The following LAMC2 variants were observed in gnomAD, a reference collection of about 807,000 sequenced individuals.
LAMC2 encodes laminin subunit gamma-2.
In LAMC2, 97 loss-of-function variants were observed where a neutral mutation model predicts 140.2. That is an observed-to-expected ratio of 0.69 (90% confidence interval 0.59 to 0.82). LAMC2 has a LOEUF of 0.82. LAMC2 is among the 40% of genes least tolerant of loss of function. The probability of loss-of-function intolerance (pLI) is 0.00; values close to 1 mark genes in which losing one functional copy is unlikely to be tolerated. For synonymous variants in LAMC2, 513 were observed against 540.2 expected (o/e 0.95, Z 0.70); for missense variants, 1,402 against 1,476.1 (o/e 0.95, Z 0.82).
chr1:183,220,627 C>T (rs1170979235), intron 4 of LAMC2, among the ~76,000 whole-genome samples, 198 bp from the exon 5 acceptor site: 3 of 151,424 alleles, frequency 2.0e-5, no homozygotes, highest in South Asian at 2.1e-4. Context: ...TTTCTTATGC[C>T]GTCTAATTTA....
At chr1:183,237,549 G>A in intron 18 of LAMC2, 45 bp downstream of exon 18, 1 of 1,492,676 alleles carries the variant, frequency 6.7e-7, no homozygotes, top group African/African-American at 1.4e-5. Context: ...TGTATTGAAT[G>A]CCCACCATAT....
rs767455454 is a variant in LAMC2, at chr1:183,235,598, T to C, written c.2324T>C (p.Met775Thr). The C allele has an allele frequency of 1.9e-6, 3 of 1,614,228 alleles. No individual in the cohort carries two copies. The highest frequency in any genetic ancestry group is 2.7e-5 in the African/African-American group (2 of 75,056). Residue 775 changes from methionine (M) to threonine (T), a missense_variant, in exon 16 of 23, where the codon ATG (methionine) becomes ACG (threonine). Met to Thr is a moderately conservative substitution (Grantham distance 81). Coordinates refer to ENST00000264144, the MANE Select transcript of LAMC2 (RefSeq NM_005562.3). ...AESHVESASN[M>T]EQLTRETEDY... ...AGCCACGTTGAGTCAGCCAGTAACA[T>C]GGAGCAACTGACAAGGGAAACTGAG...
At chr1:183,216,920 A>G (rs536358389) in intron 3 of LAMC2, among the ~76,000 whole-genome samples, 4 of 152,214 alleles carry the variant, frequency 2.6e-5, no homozygotes, top group African/African-American at 9.6e-5. Flanking sequence ...TGGAATGGGG[A>G]CTGTTCCTAT....
At chr1:183,195,861 A>G (rs1198696829) in intron 1 of LAMC2, among the ~76,000 whole-genome samples, 5 of 152,182 alleles carry the variant, frequency 3.3e-5, no homozygotes, top group Admixed American at 6.5e-5. Flanking sequence ...GCCGACAAAC[A>G]TATTAAAACT....
Position 183,232,278 on chromosome 1 carries a change from A to C in LAMC2, c.1949A>C (p.Glu650Ala). Residue 650 changes from glutamate to alanine, a missense_variant, in exon 13 of 23, where the codon GAA becomes GCA. Physicochemically the swap from Glu to Ala is moderately radical, Grantham distance 107 (BLOSUM62 -1). Coordinates refer to ENST00000264144, the MANE Select transcript of LAMC2 (RefSeq NM_005562.3). Reference protein sequence around the residue: ...GDGVVPDTELEGRMQQAEQAL... With the variant: ...GDGVVPDTELAGRMQQAEQAL... ...GGAGTAGTACCTGATACAGAGCTGG[A>C]AGGCAGGATGCAGCAGGCTGAGCAG... The C allele has an allele frequency of 6.2e-7, 1 of 1,614,108 alleles. No individual in the cohort carries two copies. The highest frequency in any genetic ancestry group is 8.5e-7 in the Non-Finnish European group (1 of 1,180,046).
chr1:183,245,704 G>A (rs554796736), downstream of LAMC2, among the ~76,000 whole-genome samples: 6 of 152,352 alleles, frequency 3.9e-5, no homozygotes, highest in Non-Finnish European at 7.3e-5. Flanking sequence ...CCACTTCACA[G>A]TGACAATTCT....
chr1:183,204,883 C>T (rs950722365), intron 1 of LAMC2, among the ~76,000 whole-genome samples: 2 of 151,884 alleles, frequency 1.3e-5, no homozygotes, highest in Non-Finnish European at 2.9e-5. Context: ...AGTGCAATGG[C>T]ACAATCTCAG....
intron 19 of LAMC2, among the ~76,000 whole-genome samples, chr1:183,238,720 A>G (rs1660040151): frequency 6.6e-6 from 1 of 152,202 alleles, no homozygotes; most frequent in Non-Finnish European, 1.5e-5. Context: ...CTTCCTCTTT[A>G]AAGAGACGAG....
chr1:183,190,142 A>G (rs1299255643), intron 1 of LAMC2, among the ~76,000 whole-genome samples: 2 of 152,192 alleles, frequency 1.3e-5, no homozygotes, highest in African/African-American at 4.8e-5. Flanking sequence ...AAGCTACCTC[A>G]CCTGTTACTT....
downstream of LAMC2, chr1:183,248,820 T>A (rs1660294682): frequency 6.6e-6 from 1 of 152,128 alleles, no homozygotes; most frequent in African/African-American, 2.4e-5. Flanking sequence ...TATTCTACCG[T>A]TTTATTTTTG....
chr1:183,208,895 G>T (rs1658985338), intron 2 of LAMC2, among the ~76,000 whole-genome samples: 1 of 151,866 alleles, frequency 6.6e-6, no homozygotes, highest in African/African-American at 2.4e-5. Flanking sequence ...TGGCCAGGCT[G>T]GTCTCGAGTG....
intron 1 of LAMC2, among the ~76,000 whole-genome samples, chr1:183,188,543 A>G (rs1658225825): frequency 6.6e-6 from 1 of 152,218 alleles, no homozygotes; most frequent in Non-Finnish European, 1.5e-5. Context: ...CTAGTTCCTT[A>G]TTAGTAATAC....
intron 3 of LAMC2, among the ~76,000 whole-genome samples, chr1:183,217,352 CACAA>C (rs112773271): frequency 0.27 from 40,259 of 150,878 alleles, 5,936 homozygotes; most frequent in African/African-American, 0.38. Flanking sequence ...AAAATCTTGC[CACAA>C]ACAAACAAAC....
At position 183,225,743 on chromosome 1, in the gene LAMC2, T is replaced by C. The variant is rs767189100; in HGVS notation, c.1066+23T>C. The C allele has an allele frequency of 6.0e-6, 9 of 1,499,320 alleles. No individual in the cohort carries two copies. The African/African-American group carries it at 1.1e-4, about 18-fold the overall frequency. 92.9% of individuals were successfully genotyped at this position (1,499,320 alleles called of 1,614,324 possible). ...ACAGTAAGTGGCTACGAGAAATTAA[T>C]TTCTTTCTTCTTAGGTGTTAGTTTA... is the stretch of plus-strand genomic sequence containing the variant. On this transcript the variant is annotated intron_variant, in intron 8 of 22. Coordinates refer to ENST00000264144, the MANE Select transcript of LAMC2 (RefSeq NM_005562.3).
rs79908768 is a variant in LAMC2, at chr1:183,205,823, G to C, written c.80-2058G>C. The stretch of plus-strand genomic sequence containing the variant: ...TAGGGGTGTGTGTGTGTGTGTGTCT[G>C]TGTGTGCCTGAGTGCTGTATGTATC... On this transcript the variant is annotated intron_variant, in intron 1 of 22. Transcript: ENST00000264144. Among the ~76,000 whole-genome samples the C allele has an allele frequency of 1.0e-3, 154 of 147,132 alleles. No homozygotes were observed. In the East Asian group the frequency reaches 0.025, roughly 24 times the overall value.
In LAMC2 at chr1:183,186,377, T is replaced by A; in HGVS notation, c.25T>A (p.Cys9Ser). MPALWLGC[C>S]LCFSLLLPAA... ...CATGCCTGCGCTCTGGCTGGGCTGC[T>A]GCCTCTGCTTCTCGCTCCTCCTGCC... Residue 9 changes from cysteine (C) to serine (S), a missense_variant, in exon 1 of 23, where the codon TGC becomes AGC. Physicochemically the swap from Cys to Ser is moderately radical, Grantham distance 112 (BLOSUM62 -1). This residue lies in a region of LAMC2 where 723 missense variants were observed against 783.3 expected (regional missense o/e 0.92). Coordinates refer to ENST00000264144, the MANE Select transcript of LAMC2 (RefSeq NM_005562.3). 1 of 1,605,266 alleles carries A rather than the reference T, an allele frequency of 6.2e-7. No individual in the cohort carries two copies. Among genetic ancestry groups the A allele is most frequent in the Non-Finnish European group, 8.5e-7 (1 of 1,179,494 alleles).
the LAMC2 span, among the ~76,000 whole-genome samples, chr1:183,256,162 C>A: frequency 1.3e-5 from 2 of 151,988 alleles, no homozygotes; most frequent in Middle Eastern, 3.2e-3. Flanking sequence ...AATCCCAGCA[C>A]TTTGGGAGGC....
chr1:183,233,986 A>G (rs1659874704), intron 14 of LAMC2, among the ~76,000 whole-genome samples: 1 of 151,256 alleles, frequency 6.6e-6, no homozygotes, highest in South Asian at 2.1e-4. Context: ...TCCCAGGTTC[A>G]GGCGATTCTC....
intron 5 of LAMC2, among the ~76,000 whole-genome samples, chr1:183,221,247 A>C (rs975431797): frequency 6.6e-6 from 1 of 152,208 alleles, no homozygotes; most frequent in Non-Finnish European, 1.5e-5. Flanking sequence ...TTTCAAAACC[A>C]CGAAGGAATC....
Sources: allele counts gnomAD v4.1 joint callset (sites outside exome capture counted in the v4.1 genomes callset), GRCh38; gene constraint gnomAD v4.1.1; regional missense constraint gnomAD v4.1.1; transcripts MANE v1.5; gene names NCBI Gene and HGNC (gene_info 2026-07-23, HGNC 2026-07-21).